The following ANKRD16 variants were observed in gnomAD, a reference collection of about 807,000 sequenced individuals.
ANKRD16 encodes the protein ankyrin repeat domain-containing protein 16.
ANKRD16 carries 35 observed loss-of-function variants against 37.9 expected under a neutral mutation model. That is an observed-to-expected ratio of 0.92 (90% CI 0.71 to 1.23). The LOEUF is 1.23. ANKRD16 is among the 50% of genes most tolerant of loss of function. The pLI, the probability that ANKRD16 is intolerant of heterozygous loss-of-function variation, is 0.00. For synonymous variants in ANKRD16, 206 were observed against 197.2 expected (o/e 1.04, Z -0.37); for missense variants, 480 against 469.9 (o/e 1.02, Z -0.20).
Position 5,870,663 on chromosome 10 carries a change from G to C in ANKRD16, c.*33+7434C>G, listed in dbSNP as rs537381781. ...GGCCTCCCAAAGTGTTGGGATTACA[G>C]GCGTGAGCCACGTGCCTGGCCATTG... On this transcript the variant is annotated intron_variant, in intron 7 of 7. Coordinates refer to ENST00000380094, the MANE Select transcript of ANKRD16 (RefSeq NM_019046.3). The surrounding 1 kb of genome is among the most constrained non-coding windows in gnomAD (Gnocchi z 5.0). 1.3e-5 allele frequency among the ~76,000 whole-genome samples: 2 copies of C among 152,330 alleles called. No homozygotes were observed. The highest frequency in any genetic ancestry group is 2.9e-5 in the Non-Finnish European group (2 of 68,024).
At position 5,870,071 on chromosome 10, in the gene ANKRD16, TTCC is replaced by T. The variant is rs1312472539; in HGVS notation, c.*34-7383_*34-7381del. On this transcript the variant is annotated intron_variant, in intron 7 of 7. Coordinates refer to ENST00000380094, the MANE Select transcript of ANKRD16 (RefSeq NM_019046.3). This position sits in a 1 kb window ranked among gnomAD's most constrained non-coding sequence, Gnocchi z 5.0. ...TTGCTTCGTACAGACATTAGACTCA[TTCC>T]TCCTCCTCACTTTCTGTTGGACCAT... Among the ~76,000 whole-genome samples, 1 of 152,076 alleles carries T rather than the reference TTCC, an allele frequency of 6.6e-6. No individual in the cohort carries two copies. The highest frequency in any genetic ancestry group is 1.5e-5 in the Non-Finnish European group (1 of 68,022).
chr10:5,880,003 A>T (rs1007033496), intron 6 of ANKRD16, among the ~76,000 whole-genome samples: 1 of 152,028 alleles, frequency 6.6e-6, no homozygotes, highest in African/African-American at 2.4e-5. Flanking sequence ...TACTAAAAAT[A>T]CAAAAATTAG....
In ANKRD16 at chr10:5,864,882, G is replaced by C. The variant is rs1281369630; in HGVS notation, c.*34-2191C>G. ...TGCCTTCCTCGAGCGGCTACGGGAG[G>C]CCTTAAGAAAATATACTCCCCTGTC... On this transcript the variant is annotated intron_variant, in intron 7 of 7. Coordinates refer to ENST00000380094, the MANE Select transcript of ANKRD16 (RefSeq NM_019046.3). This position sits in a 1 kb window ranked among gnomAD's most constrained non-coding sequence, Gnocchi z 4.4. Among the ~76,000 whole-genome samples the C allele has an allele frequency of 6.6e-6, 1 of 152,180 alleles. No homozygotes were observed. The highest frequency in any genetic ancestry group is 1.5e-5 in the Non-Finnish European group (1 of 68,018).
At chr10:5,881,059 A>T (rs1291832964) in intron 5 of ANKRD16, 8 of 521,654 alleles carry the variant, frequency 1.5e-5, no homozygotes, top group African/African-American at 2.1e-5. Flanking sequence ...TCAGCCTCCC[A>T]AAGTGTTGGG....
chr10:5,887,338 T>G (rs1842441137), intron 2 of ANKRD16, among the ~76,000 whole-genome samples: 1 of 151,074 alleles, frequency 6.6e-6, no homozygotes, highest in Non-Finnish European at 1.5e-5. Context: ...TATGTTAACT[T>G]TAGAAATTGA....
rs1395426827 is a variant in ANKRD16, at chr10:5,870,471, A to G, written c.*33+7626T>C. On this transcript the variant is annotated intron_variant, in intron 7 of 7. Coordinates refer to ENST00000380094, the MANE Select transcript of ANKRD16 (RefSeq NM_019046.3). This position sits in a 1 kb window ranked among gnomAD's most constrained non-coding sequence, Gnocchi z 5.0. ...CAGGCTGGAATACAAAAGTGCAATCATAGCTCACTGCAGCCTTGACCTCCT... is the reference window on the plus strand; with the variant it reads ...CAGGCTGGAATACAAAAGTGCAATCGTAGCTCACTGCAGCCTTGACCTCCT... Among the ~76,000 whole-genome samples the G allele has an allele frequency of 6.7e-6, 1 of 150,088 alleles. No homozygotes were observed. Among genetic ancestry groups the G allele is most frequent in the Non-Finnish European group, 1.5e-5 (1 of 67,732 alleles).
intron 5 of ANKRD16, among the ~76,000 whole-genome samples, chr10:5,881,888 C>T (rs973459364): frequency 2.0e-5 from 3 of 151,702 alleles, no homozygotes; most frequent in East Asian, 2.0e-4. Flanking sequence ...GGGGTTTCAC[C>T]GTGTTAGCCA....
At chr10:5,885,864 T>C in intron 2 of ANKRD16, 99 bp from the exon 3 acceptor site, 3 of 1,227,098 alleles carry the variant, frequency 2.4e-6, no homozygotes, top group Non-Finnish European at 3.4e-6. Context: ...CTATTAGTGA[T>C]AGCTTACAAG....
chr10:5,884,125 A>G (rs761405134), intron 3 of ANKRD16, 48 bp from the exon 4 acceptor site: 4 of 1,449,940 alleles, frequency 2.8e-6, no homozygotes, highest in Non-Finnish European at 3.8e-6. Flanking sequence ...AATACCTCAA[A>G]CCCAGGGGAC....
At chr10:5,880,424 C>A (rs959871454) in intron 5 of ANKRD16, 48 bp from the exon 6 acceptor site, 1 of 1,342,392 alleles carries the variant, frequency 7.4e-7, no homozygotes, top group South Asian at 1.4e-5. Flanking sequence ...TAAAAGAAAA[C>A]CTTTTGCAAA....
intron 7 of ANKRD16, among the ~76,000 whole-genome samples, chr10:5,867,847 A>G (rs572481953): frequency 6.6e-5 from 10 of 152,306 alleles, no homozygotes; most frequent in African/African-American, 2.4e-4. Context: ...AGTAACTACG[A>G]TCCCAAATAG....
At position 5,878,205 on chromosome 10, in the gene ANKRD16, G is replaced by A. The variant is rs1379353354; in HGVS notation, c.1011C>T (p.Ile337=). The A allele has an allele frequency of 1.9e-6, 3 of 1,614,166 alleles. No individual in the cohort carries two copies. The highest frequency in any genetic ancestry group is 3.3e-5 in the Admixed American group (2 of 60,014). The change falls in exon 7 of 8, where the codon ATC becomes ATT. Residue 337 remains isoleucine (I), a synonymous_variant. Coordinates refer to ENST00000380094, the MANE Select transcript of ANKRD16 (RefSeq NM_019046.3). This position sits in a 1 kb window ranked among gnomAD's most constrained non-coding sequence, Gnocchi z 5.1. ...GGAGCTGCTGAGCCAGGGTGCCCGT[G>A]ATGTCTTCAGAATCCTTCAGTCCCG... The part of the protein sequence containing the change: ...LQSGLKDSED[I]TGTLAQQLPR...
intron 4 of ANKRD16, among the ~76,000 whole-genome samples, 166 bp from the exon 5 acceptor site, chr10:5,883,333 A>G (rs1842351842): frequency 6.6e-6 from 1 of 152,076 alleles, no homozygotes; most frequent in Non-Finnish European, 1.5e-5. Context: ...TTTTTTTTTG[A>G]GACGAAGTCT....
intron 5 of ANKRD16, among the ~76,000 whole-genome samples, chr10:5,881,873 G>C (rs1842322623): frequency 6.6e-6 from 1 of 151,802 alleles, no homozygotes; most frequent in South Asian, 2.1e-4. Context: ...ATTTTTAGTA[G>C]AGACGGGGTT....
At position 5,889,384 on chromosome 10, in the gene ANKRD16, A is replaced by G; in HGVS notation, c.-30T>C. On this transcript the variant is annotated 5_prime_UTR_variant, in exon 1 of 8. Transcript: ENST00000380094. ...GCGGGTCGGGCCGGGCTGCGCGGGG[A>G]GGCGGCGGGCGGGACACCGGCGGCC... 1 of 1,187,408 alleles carries G rather than the reference A, an allele frequency of 8.4e-7. No individual in the cohort carries two copies. The highest frequency in any genetic ancestry group is 1.0e-6 in the Non-Finnish European group (1 of 960,934). 73.6% of individuals were successfully genotyped at this position (1,187,408 alleles called of 1,614,324 possible). A position where few individuals can be genotyped will look rare whatever the true frequency, so the allele number is the denominator to read the frequency against.
rs1401707758 is a variant in ANKRD16 at position 5,865,957 on chromosome 10, T to A, written c.*34-3266A>T. 6.6e-6 allele frequency among the ~76,000 whole-genome samples: 1 copy of A among 152,210 alleles called. No individual in the cohort carries two copies. On this transcript the variant is annotated intron_variant, in intron 7 of 7. Coordinates refer to ENST00000380094, the MANE Select transcript of ANKRD16 (RefSeq NM_019046.3). This position sits in a 1 kb window ranked among gnomAD's most constrained non-coding sequence, Gnocchi z 4.7. ...TGGGACAACCCCACAACCAGTGGCA[T>A]ACCTAAGTAAGGAAACTGATATAGT...
intron 5 of ANKRD16, 125 bp from the exon 6 acceptor site, chr10:5,880,501 C>T: frequency 6.6e-6 from 3 of 456,424 alleles, no homozygotes; most frequent in South Asian, 7.8e-5. Context: ...AAGGACATAC[C>T]TGAGAGACAG....
At position 5,889,061 on chromosome 10, in the gene ANKRD16, G is replaced by A. The variant is rs1304729768; in HGVS notation, c.294C>T (p.Asp98=). 1 of 1,554,824 alleles carries A rather than the reference G, an allele frequency of 6.4e-7. No individual in the cohort carries two copies. The highest frequency in any genetic ancestry group is 1.9e-5 in the Admixed American group (1 of 52,560). The part of the protein sequence containing the change: ...RYLLGRGAAV[D]CLKKADWTPL... ...CCTACCAGTCGGCCTTCTTCAGGCA[G>A]TCGACCGCTGCCCCCCGGCCCAGCA... The change falls in exon 1 of 8, where the codon GAC becomes GAT. Residue 98 remains aspartate (D), a synonymous_variant. Coordinates refer to ENST00000380094, the MANE Select transcript of ANKRD16 (RefSeq NM_019046.3).
chr10:5,881,844 T>A (rs558062264), intron 5 of ANKRD16, among the ~76,000 whole-genome samples: 2 of 151,818 alleles, frequency 1.3e-5, no homozygotes, highest in Non-Finnish European at 2.9e-5. Flanking sequence ...CCTGCCACCA[T>A]GCCCGGCTAA....
Sources: gnomAD v4.1 joint callset for allele counts (sites outside exome capture counted in the v4.1 genomes callset) on GRCh38, gnomAD v4.1.1 for gene constraint, Gnocchi (gnomAD v3.1) non-coding constraint, MANE v1.5 for transcripts, NCBI Gene and HGNC (gene_info 2026-07-23, HGNC 2026-07-21) for gene names.